Variants in PGA3 observed in about 807,000 individuals in gnomAD.
PGA3 encodes pepsin A-3.
Under a neutral mutation model 15.6 loss-of-function variants are expected in PGA3, and 1 was observed. That is an observed-to-expected ratio of 0.06 (90% CI 0.02 to 0.30). The LOEUF (loss-of-function observed/expected upper bound fraction) is 0.30, where lower values mean the gene tolerates loss of function less well. PGA3 is among the 10% of genes least tolerant of loss of function. The probability of loss-of-function intolerance (pLI) is 1.00; values close to 1 mark genes in which losing one functional copy is unlikely to be tolerated. For synonymous variants in PGA3, 14 were observed against 79.5 expected, an observed-to-expected ratio of 0.18 and a Z score of 4.38; for missense variants, 29 against 183.7, an observed-to-expected ratio of 0.16 and a Z score of 4.87.
At chr11:61,205,672 G>A (rs1470373776) in intron 2 of PGA3, 1 of 136,874 alleles carries the variant, frequency 7.3e-6, no homozygotes, top group African/African-American at 2.7e-5. Flanking sequence ...ACTGGTCATC[G>A]CCAAAGAACA....
Position 61,203,639 on chromosome 11 carries a change from G to A in PGA3, c.56+19G>A, listed in dbSNP as rs1362915381. On this transcript the variant is annotated intron_variant, in intron 1 of 8. Coordinates refer to ENST00000325558, the MANE Select transcript of PGA3 (RefSeq NM_001079807.4). ...TGTACAAGTGAGTCCGGGTGGTGTG[G>A]GTGTGAAGACGCTGCCTCCCACATC... 2.5e-6 allele frequency: 4 copies of A among 1,604,680 alleles called. No individual in the cohort carries two copies. Among genetic ancestry groups the A allele is most frequent in the African/African-American group, 1.4e-5 (1 of 73,744 alleles).
chr11:61,203,792 C>T (rs1245416766), intron 1 of PGA3, 172 bp downstream of exon 1: 64 of 1,095,922 alleles, frequency 5.8e-5, no homozygotes, highest in South Asian at 2.7e-4. Context: ...GGTTAAAACT[C>T]GGGCCCAGCC....
intron 8 of PGA3, among the ~76,000 whole-genome samples, chr11:61,211,680 A>G (rs1356530546): frequency 2.7e-5 from 4 of 150,426 alleles, no homozygotes. Flanking sequence ...AGAGGATTCT[A>G]TTTGGACCCC....
chr11:61,203,543 G>A lies in PGA3; in HGVS notation c.-22G>A, dbSNP rs748247707. The A allele has an allele frequency of 1.0e-4, 165 of 1,611,686 alleles. No homozygotes were observed. The East Asian group carries it at 2.0e-3, about 19-fold the overall frequency. Reference sequence around the variant, plus strand: ...TTCCTCCCGTCTTGCCTTCTCCCTCGAGTTGGGACCCGGGAAGAACCATGA... The same window carrying A: ...TTCCTCCCGTCTTGCCTTCTCCCTCAAGTTGGGACCCGGGAAGAACCATGA... On this transcript the variant is annotated 5_prime_UTR_variant, in exon 1 of 9. Coordinates refer to ENST00000325558, the MANE Select transcript of PGA3 (RefSeq NM_001079807.4).
intron 2 of PGA3, among the ~76,000 whole-genome samples, chr11:61,205,443 G>C (rs1315635212): frequency 1.3e-5 from 2 of 152,166 alleles, no homozygotes; most frequent in Non-Finnish European, 2.9e-5. Flanking sequence ...ATAATGATGA[G>C]GACCATGACA....
At chr11:61,211,865 A>G (rs1254381921) in intron 8 of PGA3, among the ~76,000 whole-genome samples, 1 of 151,316 alleles carries the variant, frequency 6.6e-6, no homozygotes, top group Non-Finnish European at 1.5e-5. Context: ...GGGTTGGGCA[A>G]ATGGAAATCC....
rs1202821159 is a variant in PGA3, at chr11:61,203,806, C to A, written c.56+186C>A. ...TGGTTAAAACTCGGGCCCAGCCTGA[C>A]TGTGGTTCCCAGCTCCAGCCCTAGT... On this transcript the variant is annotated intron_variant, in intron 1 of 8. Coordinates refer to ENST00000325558, the MANE Select transcript of PGA3 (RefSeq NM_001079807.4). 1.7e-3 allele frequency: 1,656 copies of A among 977,636 alleles called. 13 individuals carry two copies. The African/African-American group carries it at 0.024, about 14-fold the overall frequency. 60.6% of individuals were successfully genotyped at this position (977,636 alleles called of 1,614,324 possible).
At chr11:61,206,055 G>C in intron 2 of PGA3, 1 of 242,702 alleles carries the variant, frequency 4.1e-6, no homozygotes, top group Non-Finnish European at 8.7e-6. Context: ...TACACATCTA[G>C]ACGTAGAAAT....
chr11:61,205,653 G>A (rs2134693293), intron 2 of PGA3: 1 of 137,638 alleles, frequency 7.3e-6, no homozygotes, highest in South Asian at 2.3e-4. Flanking sequence ...AGGCCCTAGG[G>A]CAGGAGTGAC....
Position 61,203,554 on chromosome 11 carries a change from C to A in PGA3, c.-11C>A. On this transcript the variant is annotated 5_prime_UTR_variant, in exon 1 of 9. Transcript: ENST00000325558. ...TTGCCTTCTCCCTCGAGTTGGGACC[C>A]GGGAAGAACCATGAAGTGGCTGCTG... 1 of 1,611,576 alleles carries A rather than the reference C, an allele frequency of 6.2e-7. No individual in the cohort carries two copies. The highest frequency in any genetic ancestry group is 8.5e-7 in the Non-Finnish European group (1 of 1,179,602).
intron 2 of PGA3, chr11:61,204,754 C>A (rs1853903730): frequency 5.7e-6 from 1 of 174,122 alleles, no homozygotes; most frequent in Non-Finnish European, 1.2e-5. Context: ...TGTGCCAAAC[C>A]CTGTAGCAGG....
intron 2 of PGA3, chr11:61,204,678 G>A (rs151310963): frequency 1.7e-4 from 47 of 268,756 alleles, no homozygotes; most frequent in African/African-American, 1.0e-3. Flanking sequence ...GAGCCTCCCT[G>A]GAGCCACGCA....
intron 2 of PGA3, 198 bp from the exon 3 acceptor site, chr11:61,206,312 G>A (rs1853926566): frequency 1.6e-5 from 1 of 63,020 alleles, no homozygotes; most frequent in Admixed American, 1.5e-4. Flanking sequence ...AGCAATCAGG[G>A]AAGACTTCAA....
At chr11:61,211,580 A>G in intron 8 of PGA3, 145 bp downstream of exon 8, 2 of 950,806 alleles carry the variant, frequency 2.1e-6, no homozygotes, top group South Asian at 1.4e-5. Flanking sequence ...GCCTCCAGAG[A>G]AAAAGAATAT....
chr11:61,205,450 G>T lies in PGA3; in HGVS notation c.220-1060G>T, dbSNP rs553331626. On this transcript the variant is annotated intron_variant, in intron 2 of 8. Coordinates refer to ENST00000325558, the MANE Select transcript of PGA3 (RefSeq NM_001079807.4). Reference sequence around the variant, plus strand: ...AATTTCAGATAATGATGAGGACCATGACAAATTAATTAATTGGACTATGGG... The same window carrying T: ...AATTTCAGATAATGATGAGGACCATTACAAATTAATTAATTGGACTATGGG... Among the ~76,000 whole-genome samples, 16 of 152,316 alleles carry T rather than the reference G, an allele frequency of 1.1e-4. No individual in the cohort carries two copies. The South Asian group carries it at 2.9e-3, about 28-fold the overall frequency.
At chr11:61,204,588 G>A (rs1288279664) in intron 2 of PGA3, 17 of 584,708 alleles carry the variant, frequency 2.9e-5, no homozygotes, top group Middle Eastern at 5.1e-4. Flanking sequence ...AAGGGGTCTC[G>A]CAAAGCAATG....
chr11:61,211,866 A>G (rs1213748934), intron 8 of PGA3, among the ~76,000 whole-genome samples: 1 of 151,422 alleles, frequency 6.6e-6, no homozygotes, highest in Non-Finnish European at 1.5e-5. Context: ...GGTTGGGCAA[A>G]TGGAAATCCT....
chr11:61,207,059 AAG>A (rs1242740194), intron 3 of PGA3, among the ~76,000 whole-genome samples: 1 of 74,140 alleles, frequency 1.3e-5, no homozygotes, highest in African/African-American at 4.2e-5. Context: ...TTGCTAATGA[AAG>A]AGAGTTTGTC....
intron 8 of PGA3, among the ~76,000 whole-genome samples, chr11:61,211,777 A>AG (rs1853950580): frequency 6.7e-6 from 1 of 150,074 alleles, no homozygotes; most frequent in Non-Finnish European, 1.5e-5. Flanking sequence ...TCATCCAAAA[A>AG]GTAGAGATGG....
Sources: allele counts gnomAD v4.1 joint callset (sites outside exome capture counted in the v4.1 genomes callset), GRCh38; gene constraint gnomAD v4.1.1; transcripts MANE v1.5; gene names NCBI Gene and HGNC (gene_info 2026-07-23, HGNC 2026-07-21).